DCTN4: variants seen among roughly 807,000 people sequenced by gnomAD.
The protein encoded by DCTN4 is dynactin subunit 4.
In DCTN4, 23 loss-of-function variants were observed where a neutral mutation model predicts 62.7. The observed-to-expected ratio is 0.37, with a 90% confidence interval of 0.26 to 0.52. The LOEUF is 0.52. Among genes scored for constraint, DCTN4 ranks in the 20% least tolerant of loss-of-function variants. The probability of loss-of-function intolerance (pLI) is 0.92; values close to 1 mark genes in which losing one functional copy is unlikely to be tolerated. For synonymous variants in DCTN4, 199 were observed against 202.1 expected (o/e 0.98, Z 0.13); for missense variants, 514 against 580.4 (o/e 0.89, Z 1.18).
intron 11 of DCTN4, 34 bp from the exon 12 acceptor site, chr5:150,715,696 G>T (rs1759731968): frequency 1.3e-6 from 2 of 1,564,944 alleles, no homozygotes; most frequent in East Asian, 4.5e-5. Flanking sequence ...TGCCTGAGAA[G>T]GGACCAGTGT....
Position 150,715,628 on chromosome 5 carries a change from C to T in DCTN4, c.1106G>A (p.Gly369Asp). 6.2e-7 allele frequency: 1 copy of T among 1,614,150 alleles called. No individual in the cohort carries two copies. ...ATCGTACTCTGCTGCTGCATCCTTG[C>T]CAGCTAAAACGAGCTCTTTGGGAGG... ...VVPPKELVLA[G>D]KDAAAEYDEL... The change falls in exon 12 of 13, where the codon GGC becomes GAC. Residue 369 changes from glycine (G) to aspartate (D), a missense_variant. Gly to Asp is a moderately conservative substitution (Grantham distance 94). Transcript: ENST00000447998.
intron 2 of DCTN4, among the ~76,000 whole-genome samples, chr5:150,754,013 A>G (rs2113152923): frequency 6.6e-6 from 1 of 152,374 alleles, no homozygotes; most frequent in East Asian, 1.9e-4. Flanking sequence ...ACTGTGCCAT[A>G]GAAAACTTAG....
intron 3 of DCTN4, among the ~76,000 whole-genome samples, chr5:150,744,352 T>C (rs931687938): frequency 2.8e-4 from 42 of 152,010 alleles, no homozygotes; most frequent in African/African-American, 9.4e-4. Context: ...TGGAACCAAG[T>C]TGGAAAACAC....
intron 8 of DCTN4, among the ~76,000 whole-genome samples, chr5:150,726,320 C>T (rs753152518): frequency 6.6e-5 from 10 of 152,180 alleles, no homozygotes; most frequent in African/African-American, 1.2e-4. Flanking sequence ...CACAACTGAG[C>T]GGAGCCACCT....
At chr5:150,743,797 C>T (rs145123655) in intron 3 of DCTN4, among the ~76,000 whole-genome samples, 1,682 of 152,172 alleles carry the variant, frequency 0.011, 30 homozygotes, top group African/African-American at 0.037. Flanking sequence ...TGTACATCAC[C>T]ATCATCAAAG....
chr5:150,715,183 C>T (rs186032559), intron 12 of DCTN4, among the ~76,000 whole-genome samples: 56 of 152,002 alleles, frequency 3.7e-4, no homozygotes, highest in Admixed American at 2.9e-3. Flanking sequence ...GGAACAAACC[C>T]GATGATCAAT....
chr5:150,755,570 G>C (rs962695048), intron 2 of DCTN4: 1 of 455,952 alleles, frequency 2.2e-6, no homozygotes, highest in African/African-American at 2.0e-5. Context: ...CCCCTAGTCT[G>C]ATGAGAAAAA....
At chr5:150,753,937 T>G (rs951101501) in intron 2 of DCTN4, among the ~76,000 whole-genome samples, 1 of 152,256 alleles carries the variant, frequency 6.6e-6, no homozygotes, top group Non-Finnish European at 1.5e-5. Context: ...TTTATGCTTA[T>G]ATTGATCACA....
intron 8 of DCTN4, among the ~76,000 whole-genome samples, chr5:150,729,711 C>T (rs567823036): frequency 4.6e-4 from 70 of 151,882 alleles, no homozygotes; most frequent in Admixed American, 4.6e-3. Flanking sequence ...GTCTCAAACT[C>T]CTCAGGCTCA....
intron 8 of DCTN4, among the ~76,000 whole-genome samples, chr5:150,725,260 T>C (rs1334262439): frequency 6.6e-6 from 1 of 151,888 alleles, no homozygotes; most frequent in African/African-American, 2.4e-5. Flanking sequence ...ATATTTTGGT[T>C]TGTATTTGTG....
intron 4 of DCTN4, among the ~76,000 whole-genome samples, chr5:150,735,973 T>C (rs1002185630): frequency 1.6e-4 from 23 of 144,808 alleles, no homozygotes; most frequent in Non-Finnish European, 2.7e-4. Flanking sequence ...AAAGACAGCA[T>C]AAATAATAAA....
chr5:150,718,193 T>C (rs1759834823), intron 11 of DCTN4, 83 bp downstream of exon 11: 2 of 830,126 alleles, frequency 2.4e-6, no homozygotes, highest in South Asian at 1.7e-5. Context: ...GAAAGGAGAG[T>C]GTGTGGAGTC....
At chr5:150,735,524 G>A (rs745811293) in intron 4 of DCTN4, among the ~76,000 whole-genome samples, 13 of 152,188 alleles carry the variant, frequency 8.5e-5, no homozygotes, top group Admixed American at 2.6e-4. Flanking sequence ...GTACCAGCTC[G>A]GAGACTGATA....
intron 4 of DCTN4, among the ~76,000 whole-genome samples, chr5:150,741,800 A>C (rs779525924): frequency 3.5e-4 from 53 of 152,216 alleles, no homozygotes; most frequent in Non-Finnish European, 6.0e-4. Flanking sequence ...TATTTCTAAG[A>C]GTATCTGAGA....
chr5:150,715,561 T>C lies in DCTN4; in HGVS notation c.1169+4A>G. ...TGTATGGGGATCACAAAAAGATCAC[T>C]CACTCAGGATCGTCCTGAAAGTCTT... On this transcript the variant is annotated splice_donor_region_variant and intron_variant, in intron 12 of 12. Transcript: ENST00000447998. 1.9e-6 allele frequency: 3 copies of C among 1,612,336 alleles called. No homozygotes were observed. The highest frequency in any genetic ancestry group is 2.5e-6 in the Non-Finnish European group (3 of 1,178,424).
At chr5:150,713,440 CTTTTCTT>C (rs1388296171) in intron 12 of DCTN4, among the ~76,000 whole-genome samples, 1 of 148,098 alleles carries the variant, frequency 6.8e-6, no homozygotes, top group South Asian at 2.1e-4. Context: ...TTTTTCTTTT[CTTTTCTT>C]TTTTTTTTTT....
intron 1 of DCTN4, 42 bp downstream of exon 1, chr5:150,758,816 GC>G (rs201128894): frequency 1.6e-5 from 25 of 1,591,548 alleles, no homozygotes; most frequent in African/African-American, 8.1e-5. Flanking sequence ...TGAACGCCGC[GC>G]CCCCCCCACC....
chr5:150,753,900 A>C (rs1260663988), intron 2 of DCTN4, among the ~76,000 whole-genome samples: 1 of 152,252 alleles, frequency 6.6e-6, no homozygotes, highest in Admixed American at 6.5e-5. Context: ...CATTGTTAAC[A>C]GATGGAGTTT....
At chr5:150,722,329 GA>G (rs1463746950) in intron 9 of DCTN4, among the ~76,000 whole-genome samples, 2 of 152,136 alleles carry the variant, frequency 1.3e-5, no homozygotes, top group Non-Finnish European at 2.9e-5. Context: ...GATGAGATAT[GA>G]AAAGTTTACA....
Sources: gnomAD v4.1 joint callset for allele counts (sites outside exome capture counted in the v4.1 genomes callset) on GRCh38, gnomAD v4.1.1 for gene constraint, MANE v1.5 for transcripts, NCBI Gene and HGNC (gene_info 2026-07-23, HGNC 2026-07-21) for gene names.